Variants in CLYBL observed in about 807,000 individuals in gnomAD.
CLYBL encodes the protein citramalyl-CoA lyase, mitochondrial.
A neutral mutation model predicts 38.9 loss-of-function variants in CLYBL; 31 were observed. The observed-to-expected ratio is 0.80, with a 90% CI of 0.60 to 1.08. The LOEUF (loss-of-function observed/expected upper bound fraction) is 1.08. Among genes scored for constraint, CLYBL ranks in the 50% least tolerant of loss-of-function variants. CLYBL has a pLI of 0.00. For synonymous variants in CLYBL, 171 were observed against 158.6 expected (o/e 1.08, Z -0.59); for missense variants, 434 against 411.6 (o/e 1.05, Z -0.47).
chr13:99,694,017 C>T (rs564190795), intron 1 of CLYBL, among the ~76,000 whole-genome samples: 2 of 152,202 alleles, frequency 1.3e-5, no homozygotes, highest in African/African-American at 4.8e-5. Context: ...AGCAGCAGCT[C>T]GCACAAAAGA....
intron 1 of CLYBL, among the ~76,000 whole-genome samples, chr13:99,749,437 G>C (rs576963403): frequency 6.6e-6 from 1 of 152,230 alleles, no homozygotes; most frequent in Non-Finnish European, 1.5e-5. Context: ...AGACCAGGAG[G>C]GCCGTTCCTT....
At position 99,681,110 on chromosome 13, in the gene CLYBL, A is replaced by AG. The variant is rs1476866747; in HGVS notation, c.62+74353_62+74354insG. On this transcript the variant is annotated intron_variant, in intron 1 of 8. Coordinates refer to ENST00000339105, the MANE Select transcript of CLYBL (RefSeq NM_206808.5). ...AGGAAGTAGTGCTGTAACTTACTTC[A>AG]TCTAAAGAAGCATCATCGCTGAATG... Among the ~76,000 whole-genome samples the AG allele has an allele frequency of 1.6e-4, 24 of 152,380 alleles. No individual in the cohort carries two copies. The East Asian group carries it at 2.9e-3, about 18-fold the overall frequency.
At chr13:99,616,190 C>T (rs2046707767) in intron 1 of CLYBL, among the ~76,000 whole-genome samples, 1 of 145,746 alleles carries the variant, frequency 6.9e-6, no homozygotes. Flanking sequence ...GCTATGTTGC[C>T]CAGACTGGAC....
intron 2 of CLYBL, among the ~76,000 whole-genome samples, chr13:99,797,177 C>T (rs750971811): frequency 1.3e-5 from 2 of 152,090 alleles, no homozygotes; most frequent in Non-Finnish European, 2.9e-5. Flanking sequence ...GCATCTTAGT[C>T]TCATATAGAT....
At chr13:99,719,899 A>G (rs1032178732) in intron 1 of CLYBL, among the ~76,000 whole-genome samples, 1 of 152,094 alleles carries the variant, frequency 6.6e-6, no homozygotes, top group Non-Finnish European at 1.5e-5. Flanking sequence ...TATAAACAGT[A>G]TTAAATTGAA....
chr13:99,606,830 G>A, intron 1 of CLYBL, 73 bp downstream of exon 1: 1 of 1,300,640 alleles, frequency 7.7e-7, no homozygotes, highest in Non-Finnish European at 9.7e-7. Context: ...CAGCCCCGCG[G>A]GCCGGGCGCG....
At chr13:99,708,199 T>G (rs1358343033) in intron 1 of CLYBL, among the ~76,000 whole-genome samples, 1 of 152,162 alleles carries the variant, frequency 6.6e-6, no homozygotes, top group African/African-American at 2.4e-5. Flanking sequence ...CAGGCTGGTC[T>G]TGAACTCCTG....
At chr13:99,687,890 A>G (rs1190802587) in intron 1 of CLYBL, among the ~76,000 whole-genome samples, 1 of 152,174 alleles carries the variant, frequency 6.6e-6, no homozygotes, top group East Asian at 1.9e-4. Flanking sequence ...TCTAATTTCT[A>G]ATGAACTTTA....
intron 1 of CLYBL, among the ~76,000 whole-genome samples, chr13:99,680,326 CTAGATTCTACTTTCA>C: frequency 6.6e-6 from 1 of 152,268 alleles, no homozygotes; most frequent in East Asian, 1.9e-4. Context: ...TCCAATTTTC[CTAGATTCTACTTTCA>C]TTGTTTTGTG....
At chr13:99,696,711 A>G (rs984163430) in intron 1 of CLYBL, among the ~76,000 whole-genome samples, 3 of 152,100 alleles carry the variant, frequency 2.0e-5, no homozygotes, top group African/African-American at 7.2e-5. Context: ...TTGGGAGGCT[A>G]AGGCAGGGGG....
At chr13:99,658,882 A>AT (rs2047369257) in intron 1 of CLYBL, among the ~76,000 whole-genome samples, 1 of 152,082 alleles carries the variant, frequency 6.6e-6, no homozygotes, top group South Asian at 2.1e-4. Context: ...AAGCCTATTA[A>AT]TTTTTCAGGC....
In CLYBL at chr13:99,756,609, GTTGT is replaced by G. The variant is rs368502681; in HGVS notation, c.63-16199_63-16196del. On this transcript the variant is annotated intron_variant, in intron 1 of 8. Coordinates refer to ENST00000339105, the MANE Select transcript of CLYBL (RefSeq NM_206808.5). ...AAACATTATGAGATTTGTTGTTGTT[GTTGT>G]TTGTTTGTTTGTTTGAGCTCATTGG... is the stretch of plus-strand genomic sequence containing the variant. Among the ~76,000 whole-genome samples the G allele has an allele frequency of 7.2e-3, 1,099 of 151,778 alleles. 12 individuals are homozygous for G. Among genetic ancestry groups the G allele is most frequent in the African/African-American group, 0.025 (1,043 of 41,100 alleles).
chr13:99,699,797 T>G (rs1003880477), intron 1 of CLYBL, among the ~76,000 whole-genome samples: 4 of 150,730 alleles, frequency 2.7e-5, no homozygotes, highest in African/African-American at 4.9e-5. Flanking sequence ...TTCGAGACCA[T>G]CCTGGCTAAC....
intron 7 of CLYBL, among the ~76,000 whole-genome samples, chr13:99,872,319 C>T (rs1011632886): frequency 6.6e-6 from 1 of 152,142 alleles, no homozygotes; most frequent in Non-Finnish European, 1.5e-5. Flanking sequence ...TTCCATTTCC[C>T]ATCAACAGTG....
At chr13:99,651,238 T>A (rs1406444387) in intron 1 of CLYBL, among the ~76,000 whole-genome samples, 1 of 152,236 alleles carries the variant, frequency 6.6e-6, no homozygotes, top group East Asian at 1.9e-4. Context: ...GGTACCTGAT[T>A]GCAGGCCCAG....
At chr13:99,782,516 A>C (rs75082276) in intron 2 of CLYBL, among the ~76,000 whole-genome samples, 1,610 of 152,198 alleles carry the variant, frequency 0.011, 33 homozygotes, top group African/African-American at 0.036. Context: ...GGGGGAAAAA[A>C]GTTTATAATA....
chr13:99,862,406 T>C (rs1683753915), intron 3 of CLYBL, among the ~76,000 whole-genome samples: 1 of 152,322 alleles, frequency 6.6e-6, no homozygotes, highest in African/African-American at 2.4e-5. Flanking sequence ...AGCTGTGAAC[T>C]GGTCTCATGG....
At chr13:99,756,331 C>G (rs1039200085) in intron 1 of CLYBL, among the ~76,000 whole-genome samples, 2 of 152,202 alleles carry the variant, frequency 1.3e-5, no homozygotes, top group African/African-American at 4.8e-5. Flanking sequence ...TTTTTGGGAT[C>G]GGTAAGACAC....
intron 7 of CLYBL, among the ~76,000 whole-genome samples, chr13:99,887,816 T>C (rs1278764792): frequency 2.0e-5 from 3 of 151,720 alleles, no homozygotes; most frequent in African/African-American, 7.3e-5. Flanking sequence ...GACATGGAAA[T>C]GGAGAATTGT....
Sources: allele counts gnomAD v4.1 joint callset (sites outside exome capture counted in the v4.1 genomes callset), GRCh38; gene constraint gnomAD v4.1.1; transcripts MANE v1.5; gene names NCBI Gene and HGNC (gene_info 2026-07-23, HGNC 2026-07-21).